The following IRAG2 variants were observed in gnomAD, a reference collection of about 807,000 sequenced individuals.
IRAG2 encodes inositol 1,4,5-triphosphate receptor associated 2.
In IRAG2, 45 loss-of-function variants were observed where a neutral mutation model predicts 69.9. The observed-to-expected ratio is 0.64, with a 90% CI of 0.51 to 0.83. IRAG2 has a LOEUF of 0.83. Among genes scored for constraint, IRAG2 ranks in the 40% least tolerant of loss-of-function variants. IRAG2 has a pLI of 0.00. For missense variants in IRAG2, 520 were observed against 587.0 expected (o/e 0.89, Z 1.18); for synonymous variants, 193 against 202.4 (o/e 0.95, Z 0.40).
At chr12:25,074,368 T>C (rs10842458) in intron 6 of IRAG2, among the ~76,000 whole-genome samples, 59,719 of 151,832 alleles carry the variant, frequency 0.39, 12,074 homozygotes, top group East Asian at 0.66. Context: ...TTCCAGTGAG[T>C]TCCAGAGGTG....
chr12:25,029,549 T>A (rs541705624), intron 9 of IRAG2, among the ~76,000 whole-genome samples: 6 of 152,152 alleles, frequency 3.9e-5, no homozygotes, highest in African/African-American at 1.5e-4. Flanking sequence ...AATATACATA[T>A]TTATTCATTC....
chr12:25,064,801 G>T (rs983329634), intron 4 of IRAG2, among the ~76,000 whole-genome samples: 1 of 152,018 alleles, frequency 6.6e-6, no homozygotes. Context: ...CTTAAACAGT[G>T]CTTGCTGGCC....
intron 16 of IRAG2, among the ~76,000 whole-genome samples, chr12:25,045,848 T>TAAAAAAAAAAAAA (rs71063392): frequency 2.3e-5 from 3 of 131,566 alleles, no homozygotes; most frequent in Non-Finnish European, 3.3e-5. Flanking sequence ...AAATAAAAGA[T>TAAAAAAAAAAAAA]AAAAAAAAAA....
chr12:25,024,402 T>TAAAC (rs1944607117), intron 8 of IRAG2, among the ~76,000 whole-genome samples: 2 of 152,194 alleles, frequency 1.3e-5, no homozygotes, highest in Admixed American at 1.3e-4. Context: ...AGCCATTTGG[T>TAAAC]AAACCACAAT....
intron 10 of IRAG2, chr12:25,031,139 T>C: frequency 1.1e-6 from 1 of 909,650 alleles, no homozygotes; most frequent in African/African-American, 1.8e-5. Context: ...CTCTTTTCCA[T>C]GCACATTTTG....
chr12:25,091,484 CTATT>C (rs1379323290), intron 14 of IRAG2, among the ~76,000 whole-genome samples: 2 of 152,234 alleles, frequency 1.3e-5, no homozygotes, highest in East Asian at 1.9e-4. Flanking sequence ...TTTTGCTTAT[CTATT>C]CATACATCGA....
At chr12:25,082,710 T>A (rs1248882884) in intron 9 of IRAG2, among the ~76,000 whole-genome samples, 2 of 152,220 alleles carry the variant, frequency 1.3e-5, no homozygotes, top group African/African-American at 4.8e-5. Context: ...CTTACCATTT[T>A]GTTCTTATTT....
intron 4 of IRAG2, 71 bp downstream of exon 4, chr12:25,063,887 G>A (rs1223128455): frequency 1.0e-5 from 4 of 398,514 alleles, no homozygotes; most frequent in Non-Finnish European, 1.8e-5. Flanking sequence ...AAAATAACTA[G>A]TTATTATTAC....
At chr12:25,049,978 G>A (rs111281592), upstream of IRAG2, among the ~76,000 whole-genome samples, 1,797 of 43,802 alleles carry the variant, frequency 0.041, 25 homozygotes, top group Middle Eastern at 0.14. Context: ...GCGAAACTGT[G>A]TCTCAAAAAA....
At chr12:25,050,151 TA>T (rs970452590), upstream of IRAG2, among the ~76,000 whole-genome samples, 23 of 146,218 alleles carry the variant, frequency 1.6e-4, no homozygotes, top group African/African-American at 4.1e-4. Flanking sequence ...AAAAAACAAA[TA>T]AAAAAAAGTG....
chr12:25,059,945 T>C (rs1217594477), intron 1 of IRAG2, among the ~76,000 whole-genome samples: 1 of 152,216 alleles, frequency 6.6e-6, no homozygotes, highest in Admixed American at 6.5e-5. Flanking sequence ...TATTAAGATA[T>C]AAAACTGTTG....
At chr12:25,075,519 T>TGC (rs1319856249) in intron 6 of IRAG2, among the ~76,000 whole-genome samples, 4 of 112,332 alleles carry the variant, frequency 3.6e-5, no homozygotes, top group Admixed American at 1.0e-4. Context: ...TGTGTGTGTA[T>TGC]GCGTGTGTGT....
At chr12:25,023,459 G>T (rs574442464) in intron 7 of IRAG2, among the ~76,000 whole-genome samples, 2 of 151,816 alleles carry the variant, frequency 1.3e-5, no homozygotes, top group East Asian at 3.9e-4. Flanking sequence ...AACAGTTTTT[G>T]ATGCTCATAT....
intron 21 of IRAG2, 115 bp from the exon 22 acceptor site, chr12:25,107,702 A>G: frequency 1.1e-6 from 1 of 940,240 alleles, no homozygotes; most frequent in Admixed American, 2.2e-5. Context: ...TATGTAGATT[A>G]AAAGGCAGTT....
At chr12:25,039,457 G>C (rs1944729566) in intron 16 of IRAG2, among the ~76,000 whole-genome samples, 1 of 152,184 alleles carries the variant, frequency 6.6e-6, no homozygotes, top group African/African-American at 2.4e-5. Context: ...TTGAGACGAA[G>C]TCTCGCTCTG....
intron 16 of IRAG2, among the ~76,000 whole-genome samples, chr12:25,039,258 A>G (rs1944727678): frequency 6.6e-6 from 1 of 152,196 alleles, no homozygotes; most frequent in African/African-American, 2.4e-5. Flanking sequence ...ATTCCCCCCA[A>G]ATATAAGGAA....
intron 21 of IRAG2, 78 bp downstream of exon 21, chr12:25,107,128 A>C (rs1184486375): frequency 2.8e-5 from 18 of 648,876 alleles, no homozygotes; most frequent in Non-Finnish European, 4.0e-5. Context: ...TATTAATCCT[A>C]ATCAAATTAC....
rs1004635044 is a variant in IRAG2, at chr12:25,108,315, A to G, written c.*255A>G. 3 of 547,126 alleles carry G rather than the reference A, an allele frequency of 5.5e-6. No individual in the cohort carries two copies. The African/African-American group carries it at 5.7e-5, about 10-fold the overall frequency. 33.9% of individuals were successfully genotyped at this position (547,126 alleles called of 1,614,324 possible). A position where few individuals can be genotyped will look rare whatever the true frequency, so the allele number is the denominator to read the frequency against. On this transcript the variant is annotated 3_prime_UTR_variant, in exon 22 of 22. Coordinates refer to ENST00000556887, the MANE Select transcript of IRAG2 (RefSeq NM_001366544.2). Reference sequence around the variant, plus strand: ...ATTGTTTGTTAAAGTTTATTGAAATAAAGAATCATTTAAATCTTCATAGAG... The same window carrying G: ...ATTGTTTGTTAAAGTTTATTGAAATGAAGAATCATTTAAATCTTCATAGAG...
At chr12:25,042,495 C>A (rs1944758420) in intron 16 of IRAG2, among the ~76,000 whole-genome samples, 1 of 151,900 alleles carries the variant, frequency 6.6e-6, no homozygotes, top group Non-Finnish European at 1.5e-5. Context: ...GAGACAGAGT[C>A]TCGCTCTGTC....
Sources: allele counts gnomAD v4.1 joint callset (sites outside exome capture counted in the v4.1 genomes callset), GRCh38; gene constraint gnomAD v4.1.1; transcripts MANE v1.5; gene names NCBI Gene and HGNC (gene_info 2026-07-23, HGNC 2026-07-21).